R3HDM1: variants seen among roughly 807,000 people sequenced by gnomAD.
The protein encoded by R3HDM1 is R3H domain-containing protein 1.
R3HDM1 carries 46 observed loss-of-function variants against 141.1 expected under a neutral mutation model. The ratio of observed to expected loss-of-function variants is 0.33; its 90% CI spans 0.26 to 0.42. R3HDM1 has a LOEUF of 0.42. Among genes scored for constraint, R3HDM1 ranks in the 10% least tolerant of loss-of-function variants. The pLI is 1.00. For missense variants in R3HDM1, 1,184 were observed against 1,368.3 expected (o/e 0.87, Z 2.12); for synonymous variants, 435 against 472.9 (o/e 0.92, Z 1.04).
At chr2:135,658,607 A>G (rs1206730305) in intron 18 of R3HDM1, among the ~76,000 whole-genome samples, 2 of 152,150 alleles carry the variant, frequency 1.3e-5, no homozygotes, top group East Asian at 3.8e-4. Flanking sequence ...AACACTCTTA[A>G]ATTAGGCTAC....
chr2:135,579,620 C>T (rs1175952462), intron 1 of R3HDM1, among the ~76,000 whole-genome samples: 2 of 149,198 alleles, frequency 1.3e-5, no homozygotes, highest in Non-Finnish European at 2.9e-5. Flanking sequence ...ATGGCAGATA[C>T]CACCTTAACC....
rs1037738010 is a variant in R3HDM1 at position 135,724,833 on chromosome 2, C to T, written c.*541C>T. 1 of 152,612 alleles carries T rather than the reference C, an allele frequency of 6.6e-6. No homozygotes were observed. The highest frequency in any genetic ancestry group is 2.4e-5 in the African/African-American group (1 of 41,432). The allele number at this position is 152,612 out of a possible 1,614,324, so 9.5% of individuals were successfully genotyped here. A position where few individuals can be genotyped will look rare whatever the true frequency, so the allele number is the denominator to read the frequency against. Reference sequence around the variant, plus strand: ...GAATCTCTAAACTCAGAAACAATTACCAAAAAATACATAACTCTTCCTTGT... The same window carrying T: ...GAATCTCTAAACTCAGAAACAATTATCAAAAAATACATAACTCTTCCTTGT... On this transcript the variant is annotated 3_prime_UTR_variant, in exon 27 of 27. Transcript: ENST00000683871.
chr2:135,617,308 C>T (rs1489465391), intron 5 of R3HDM1, among the ~76,000 whole-genome samples: 1 of 150,456 alleles, frequency 6.6e-6, no homozygotes, highest in Non-Finnish European at 1.5e-5. Flanking sequence ...ACCTGGGCGA[C>T]AGAGCGAGAC....
chr2:135,550,319 G>T (rs1473269704), intron 1 of R3HDM1: 2 of 811,344 alleles, frequency 2.5e-6, no homozygotes. Context: ...CTTTTCTTAG[G>T]CAAGCAGCTT....
In R3HDM1 at chr2:135,585,793, G is replaced by A. The variant is rs182416836; in HGVS notation, c.-249-16707G>A. 6.0e-3 allele frequency among the ~76,000 whole-genome samples: 921 copies of A among 152,246 alleles called. 5 individuals are homozygous for A. The highest frequency in any genetic ancestry group is 0.034 in the Middle Eastern group (10 of 294). ...GTTCTATTGCTATCTCCATCTGTTG[G>A]TATGAAGAAGTAATGCTCTTGCCAG... On this transcript the variant is annotated intron_variant, in intron 1 of 26. Coordinates refer to ENST00000683871, the MANE Select transcript of R3HDM1 (RefSeq NM_001378107.1).
intron 1 of R3HDM1, chr2:135,534,073 AT>A (rs1171348596): frequency 1.0e-6 from 1 of 968,920 alleles, no homozygotes; most frequent in Non-Finnish European, 1.2e-6. Flanking sequence ...ATTAATTTAT[AT>A]AGTGACTTAA....
Position 135,597,372 on chromosome 2 carries a change from A to G in R3HDM1, c.-249-5128A>G, listed in dbSNP as rs1033478582. 3.0e-5 allele frequency: 21 copies of G among 701,080 alleles called. No individual in the cohort carries two copies. The African/African-American group carries it at 3.9e-4, about 13-fold the overall frequency. The allele number at this position is 701,080 out of a possible 1,614,324, so 43.4% of individuals were successfully genotyped here. A position where few individuals can be genotyped will look rare whatever the true frequency, so the allele number is the denominator to read the frequency against. On this transcript the variant is annotated intron_variant, in intron 1 of 26. Transcript: ENST00000683871. Reference sequence around the variant, plus strand: ...GTTAAATGACAGTAACTGTTTACAAATCACATGCACATTTAACATTTTGAA... The same window carrying G: ...GTTAAATGACAGTAACTGTTTACAAGTCACATGCACATTTAACATTTTGAA...
intron 26 of R3HDM1, 139 bp downstream of exon 26, chr2:135,722,692 C>G: frequency 1.3e-6 from 1 of 761,342 alleles, no homozygotes; most frequent in Non-Finnish European, 2.1e-6. Flanking sequence ...ATTTAGGGTT[C>G]TTGGATATGT....
rs555334057 is a variant in R3HDM1 at position 135,721,710 on chromosome 2, C to G, written c.2882-214C>G. On this transcript the variant is annotated intron_variant, in intron 24 of 26. Coordinates refer to ENST00000683871, the MANE Select transcript of R3HDM1 (RefSeq NM_001378107.1). ...TCAAGCAGTTCTCATGCCTCAGCCT[C>G]CTGAGTAGCTAGAATTACAGGCGCC... The G allele has an allele frequency of 6.6e-5, 27 of 408,714 alleles. No homozygotes were observed. The East Asian group carries it at 1.4e-3, about 21-fold the overall frequency. The allele number at this position is 408,714 out of a possible 1,614,324, so 25.3% of individuals were successfully genotyped here.
At chr2:135,633,461 C>G (rs1265436529) in intron 9 of R3HDM1, among the ~76,000 whole-genome samples, 1 of 152,134 alleles carries the variant, frequency 6.6e-6, no homozygotes, top group Non-Finnish European at 1.5e-5. Context: ...TGTCAAAAAG[C>G]TTTAGAGCTG....
chr2:135,566,650 G>A (rs574309006), intron 1 of R3HDM1: 11 of 626,454 alleles, frequency 1.8e-5, no homozygotes, highest in Non-Finnish European at 4.0e-6. Flanking sequence ...AGGTTAATCT[G>A]CATGAAAATC....
chr2:135,721,808 G>C (rs1202323476), intron 24 of R3HDM1, 116 bp from the exon 25 acceptor site: 4 of 749,266 alleles, frequency 5.3e-6, no homozygotes, highest in African/African-American at 1.8e-5. Flanking sequence ...GGCTGGTCTC[G>C]AACTCCTGGC....
At chr2:135,560,895 C>T (rs1038303934) in intron 1 of R3HDM1, among the ~76,000 whole-genome samples, 1 of 152,104 alleles carries the variant, frequency 6.6e-6, no homozygotes, top group African/African-American at 2.4e-5. Flanking sequence ...CTTAAAGCAT[C>T]CTGAGTCTCT....
At chr2:135,704,766 G>T (rs1384719959) in intron 21 of R3HDM1, among the ~76,000 whole-genome samples, 1 of 152,092 alleles carries the variant, frequency 6.6e-6, no homozygotes, top group Non-Finnish European at 1.5e-5. Context: ...GCCTCTTACA[G>T]AGTTTTAATG....
rs2059904316 is a variant in R3HDM1, at chr2:135,604,685, C to T, written c.-40-121C>T. 5 of 711,586 alleles carry T rather than the reference C, an allele frequency of 7.0e-6. No homozygotes were observed. In the East Asian group the frequency reaches 1.2e-4, roughly 17 times the overall value. The allele number at this position is 711,586 out of a possible 1,614,324, so 44.1% of individuals were successfully genotyped here. A position where few individuals can be genotyped will look rare whatever the true frequency, so the allele number is the denominator to read the frequency against. Reference sequence around the variant, plus strand: ...CACAAAATTATATACTCCTTGAAATCAAGAATTTTGTTCCTGTCTATATTC... The same window carrying T: ...CACAAAATTATATACTCCTTGAAATTAAGAATTTTGTTCCTGTCTATATTC... On this transcript the variant is annotated intron_variant, in intron 2 of 26. Transcript: ENST00000683871.
intron 1 of R3HDM1, among the ~76,000 whole-genome samples, chr2:135,541,199 A>T (rs1697401677): frequency 6.6e-6 from 1 of 151,814 alleles, no homozygotes; most frequent in South Asian, 2.1e-4. Flanking sequence ...AAGTATCTGC[A>T]TTAGCTTCTT....
In R3HDM1 at chr2:135,715,594, G is replaced by T; in HGVS notation, c.2781G>T (p.Ser927=). 1 of 1,613,900 alleles carries T rather than the reference G, an allele frequency of 6.2e-7. No individual in the cohort carries two copies. Among genetic ancestry groups the T allele is most frequent in the Non-Finnish European group, 8.5e-7 (1 of 1,179,898 alleles). Residue 927 remains serine (S), a synonymous_variant, in exon 24 of 27, where the codon TCG becomes TCT. Coordinates refer to ENST00000683871, the MANE Select transcript of R3HDM1 (RefSeq NM_001378107.1). ...LSSPIISPAQ[S]PAPAQLSTLK... ...GCCCCATTATTTCACCAGCTCAGTC[G>T]CCAGCACCAGCTCAGCTGTCCACCC...
intron 21 of R3HDM1, among the ~76,000 whole-genome samples, chr2:135,688,317 A>C (rs2071722966): frequency 6.6e-6 from 1 of 152,226 alleles, no homozygotes; most frequent in Admixed American, 6.5e-5. Context: ...AATACAGTAC[A>C]TCCAGAAAAA....
At chr2:135,536,629 G>T (rs373346581) in intron 1 of R3HDM1, 5 of 897,650 alleles carry the variant, frequency 5.6e-6, no homozygotes, top group African/African-American at 5.4e-5. Flanking sequence ...TGATCTAAGC[G>T]TTTAAAATAG....
Sources: allele counts gnomAD v4.1 joint callset (sites outside exome capture counted in the v4.1 genomes callset), GRCh38; gene constraint gnomAD v4.1.1; transcripts MANE v1.5; gene names NCBI Gene and HGNC (gene_info 2026-07-23, HGNC 2026-07-21).